The following KCNIP3 variants were observed in gnomAD, a reference collection of about 807,000 sequenced individuals.
KCNIP3 encodes potassium voltage-gated channel interacting protein 3.
KCNIP3 carries 28 observed loss-of-function variants against 35.0 expected under a neutral mutation model. The observed-to-expected ratio is 0.80, with a 90% confidence interval of 0.59 to 1.10. The LOEUF (loss-of-function observed/expected upper bound fraction) is 1.10, where lower values mean the gene tolerates loss of function less well. KCNIP3 is among the 50% of genes least tolerant of loss of function. KCNIP3 has a pLI of 0.00. For missense variants in KCNIP3, 295 were observed against 338.4 expected, an observed-to-expected ratio of 0.87 and a Z score of 1.01; for synonymous variants, 134 against 133.8, an observed-to-expected ratio of 1.00 and a Z score of -0.01.
intron 5 of KCNIP3, among the ~76,000 whole-genome samples, chr2:95,375,487 G>A (rs1680162241): frequency 6.6e-6 from 1 of 152,084 alleles, no homozygotes; most frequent in African/African-American, 2.4e-5. Flanking sequence ...GACACACACG[G>A]GTGGTAGTGA....
At position 95,378,935 on chromosome 2, in the gene KCNIP3, A is replaced by C. The variant is rs571379871; in HGVS notation, c.448-2661A>C. ...ATATTCATTGTCTTCAGTTATACAC[A>C]CACATGACTGGAGTCCAACACATTC... is the stretch of plus-strand genomic sequence containing the variant. On this transcript the variant is annotated intron_variant, in intron 5 of 8. Coordinates refer to ENST00000295225, the MANE Select transcript of KCNIP3 (RefSeq NM_013434.5). The surrounding 1 kb of genome is among the most constrained non-coding windows in gnomAD (Gnocchi z 4.0). Among the ~76,000 whole-genome samples the C allele has an allele frequency of 1.3e-5, 2 of 152,140 alleles. No homozygotes were observed. Among genetic ancestry groups the C allele is most frequent in the South Asian group, 4.2e-4 (2 of 4,810 alleles).
At chr2:95,305,176 G>A (rs989032049) in intron 1 of KCNIP3, among the ~76,000 whole-genome samples, 1 of 152,200 alleles carries the variant, frequency 6.6e-6, no homozygotes. Flanking sequence ...AAATGAGGCC[G>A]GCATCGAGCA....
At chr2:95,325,745 ACG>A (rs972736806) in intron 2 of KCNIP3, among the ~76,000 whole-genome samples, 3 of 151,742 alleles carry the variant, frequency 2.0e-5, no homozygotes, top group African/African-American at 7.3e-5. Flanking sequence ...ACTCATACAC[ACG>A]CACTCATACA....
intron 2 of KCNIP3, among the ~76,000 whole-genome samples, chr2:95,342,437 G>A (rs998085591): frequency 3.3e-5 from 5 of 152,216 alleles, no homozygotes; most frequent in African/African-American, 1.2e-4. Context: ...TAGGACTGTG[G>A]TCTTTGTTCC....
At chr2:95,303,991 G>C (rs533235763) in intron 1 of KCNIP3, among the ~76,000 whole-genome samples, 1 of 152,188 alleles carries the variant, frequency 6.6e-6, no homozygotes, top group Non-Finnish European at 1.5e-5. Context: ...CTATTTGATA[G>C]TCTAGTAAGT....
intron 2 of KCNIP3, among the ~76,000 whole-genome samples, chr2:95,353,192 G>A (rs1172550790): frequency 2.0e-5 from 3 of 152,220 alleles, no homozygotes; most frequent in Non-Finnish European, 4.4e-5. Flanking sequence ...GAGTTGCCAA[G>A]ACTGTACAGG....
At chr2:95,354,263 C>G (rs1679598747) in intron 2 of KCNIP3, among the ~76,000 whole-genome samples, 1 of 152,188 alleles carries the variant, frequency 6.6e-6, no homozygotes, top group South Asian at 2.1e-4. Flanking sequence ...GCAGCAGGGG[C>G]GTGTGTCTCT....
chr2:95,310,609 G>A (rs1558759040), intron 2 of KCNIP3, 89 bp downstream of exon 2: 2 of 1,459,582 alleles, frequency 1.4e-6, no homozygotes, highest in Admixed American at 1.7e-5. Context: ...AGGCCAGCCT[G>A]GGACCCCAGC....
intron 2 of KCNIP3, among the ~76,000 whole-genome samples, chr2:95,328,221 C>T (rs1169840099): frequency 6.6e-6 from 1 of 152,164 alleles, no homozygotes; most frequent in Non-Finnish European, 1.5e-5. Flanking sequence ...CACTCTCCCC[C>T]CTCCCCCGGC....
Position 95,385,665 on chromosome 2 carries a change from C to G in KCNIP3, c.*1616C>G, listed in dbSNP as rs895113227. ...TATGGCGGAGGCCATGGGGGCCCCTCGGCATTCACACACAGCCTGGCCTCC... is the reference window on the plus strand; with the variant it reads ...TATGGCGGAGGCCATGGGGGCCCCTGGGCATTCACACACAGCCTGGCCTCC... On this transcript the variant is annotated 3_prime_UTR_variant, in exon 9 of 9. Transcript: ENST00000295225. 6.5e-6 allele frequency: 1 copy of G among 152,844 alleles called. No individual in the cohort carries two copies. The highest frequency in any genetic ancestry group is 1.5e-5 in the Non-Finnish European group (1 of 68,216). 9.5% of individuals were successfully genotyped at this position (152,844 alleles called of 1,614,324 possible).
intron 2 of KCNIP3, among the ~76,000 whole-genome samples, chr2:95,346,354 C>T (rs1679359161): frequency 6.6e-6 from 1 of 151,412 alleles, no homozygotes; most frequent in Non-Finnish European, 1.5e-5. Flanking sequence ...CCATCCTGCG[C>T]GTGGGAGAAA....
chr2:95,299,634 A>G (rs536356895), intron 1 of KCNIP3, among the ~76,000 whole-genome samples: 5 of 152,348 alleles, frequency 3.3e-5, no homozygotes, highest in African/African-American at 1.2e-4. Flanking sequence ...AAAGACCCGC[A>G]GTTTCTGCGA....
At chr2:95,301,085 TG>T (rs1407931255) in intron 1 of KCNIP3, among the ~76,000 whole-genome samples, 1 of 151,892 alleles carries the variant, frequency 6.6e-6, no homozygotes, top group African/African-American at 2.4e-5. Flanking sequence ...AGCTCTGTCG[TG>T]GGATCCTCTC....
chr2:95,365,890 G>C (rs1227322917), intron 2 of KCNIP3, among the ~76,000 whole-genome samples: 2 of 151,986 alleles, frequency 1.3e-5, no homozygotes, highest in Non-Finnish European at 2.9e-5. Flanking sequence ...TGGCTGTCTA[G>C]TTCTATGAAT....
chr2:95,327,229 C>T (rs1476760617), intron 2 of KCNIP3, among the ~76,000 whole-genome samples: 4 of 152,194 alleles, frequency 2.6e-5, no homozygotes, highest in Admixed American at 6.5e-5. Flanking sequence ...CTAACCATGC[C>T]CACCTTGTCT....
intron 2 of KCNIP3, among the ~76,000 whole-genome samples, chr2:95,336,500 T>C (rs1264248794): frequency 6.6e-6 from 1 of 152,262 alleles, no homozygotes; most frequent in Admixed American, 6.5e-5. Context: ...ACTATGTCCT[T>C]ATCTGCTTAC....
intron 5 of KCNIP3, among the ~76,000 whole-genome samples, chr2:95,380,130 G>T (rs575697008): frequency 2.0e-5 from 3 of 152,170 alleles, no homozygotes; most frequent in African/African-American, 7.2e-5. Context: ...TCCACTTCAT[G>T]GAAGATTCCA....
intron 1 of KCNIP3, among the ~76,000 whole-genome samples, chr2:95,306,246 C>T (rs567041355): frequency 7.2e-5 from 11 of 152,342 alleles, no homozygotes; most frequent in Non-Finnish European, 4.4e-5. Flanking sequence ...TGGCTAATGA[C>T]GGCGAACATC....
At chr2:95,301,277 A>G (rs1436337067) in intron 1 of KCNIP3, among the ~76,000 whole-genome samples, 3 of 152,232 alleles carry the variant, frequency 2.0e-5, no homozygotes, top group Non-Finnish European at 4.4e-5. Context: ...AGTCAGGGCC[A>G]CTGCCAGCAG....
Sources: allele counts gnomAD v4.1 joint callset (sites outside exome capture counted in the v4.1 genomes callset), GRCh38; gene constraint gnomAD v4.1.1; non-coding constraint Gnocchi (gnomAD v3.1); transcripts MANE v1.5; gene names NCBI Gene and HGNC (gene_info 2026-07-23, HGNC 2026-07-21).